The following KCNIP4 variants were observed in gnomAD, a reference collection of about 807,000 sequenced individuals.
The protein encoded by KCNIP4 is potassium voltage-gated channel interacting protein 4.
In KCNIP4, 12 loss-of-function variants were observed where a neutral mutation model predicts 34.0. The ratio of observed to expected loss-of-function variants is 0.35; its 90% CI spans 0.23 to 0.57. The LOEUF is 0.57. KCNIP4 is among the 20% of genes least tolerant of loss of function. The pLI, the probability that KCNIP4 is intolerant of heterozygous loss-of-function variation, is 0.83. For synonymous variants in KCNIP4, 124 were observed against 102.2 expected, an observed-to-expected ratio of 1.21 and a Z score of -1.29; for missense variants, 238 against 311.7, an observed-to-expected ratio of 0.76 and a Z score of 1.78.
intron 1 of KCNIP4, among the ~76,000 whole-genome samples, chr4:21,821,834 G>A (rs1201259685): frequency 1.3e-5 from 2 of 151,994 alleles, no homozygotes; most frequent in Admixed American, 6.6e-5. Flanking sequence ...TATTCATTAA[G>A]CCTCTTATAA....
At chr4:20,934,758 T>G (rs1312567597) in intron 1 of KCNIP4, among the ~76,000 whole-genome samples, 1 of 152,064 alleles carries the variant, frequency 6.6e-6, no homozygotes, top group African/African-American at 2.4e-5. Flanking sequence ...TGTAGAAAAA[T>G]AAAGCAAGGA....
At chr4:21,354,479 A>G (rs1050742221) in intron 1 of KCNIP4, among the ~76,000 whole-genome samples, 1 of 151,302 alleles carries the variant, frequency 6.6e-6, no homozygotes, top group Non-Finnish European at 1.5e-5. Flanking sequence ...AGAAAGCAAA[A>G]AAAGCATGGG....
intron 1 of KCNIP4, among the ~76,000 whole-genome samples, chr4:21,810,979 A>G (rs1164491691): frequency 6.6e-6 from 1 of 152,198 alleles, no homozygotes; most frequent in Non-Finnish European, 1.5e-5. Context: ...AGTTAACATG[A>G]AAATTTTTTT....
chr4:21,528,691 GA>G (rs1321011601), intron 1 of KCNIP4, among the ~76,000 whole-genome samples: 3 of 1,792 alleles, frequency 1.7e-3, no homozygotes, highest in African/African-American at 2.1e-3. Flanking sequence ...AAGAAAGAAA[GA>G]AAGAAAGAAA....
chr4:21,617,333 A>G (rs1306001551), intron 1 of KCNIP4, among the ~76,000 whole-genome samples: 1 of 152,204 alleles, frequency 6.6e-6, no homozygotes, highest in Admixed American at 6.5e-5. Flanking sequence ...GAAGTGGGTC[A>G]TTGTTTCAGA....
At chr4:21,780,357 G>T (rs1167233827) in intron 1 of KCNIP4, among the ~76,000 whole-genome samples, 3 of 151,952 alleles carry the variant, frequency 2.0e-5, no homozygotes, top group Non-Finnish European at 4.4e-5. Flanking sequence ...TAAACAGTTT[G>T]CTTGAAAGTC....
intron 1 of KCNIP4, among the ~76,000 whole-genome samples, chr4:21,285,517 C>A (rs1167896437): frequency 1.3e-5 from 2 of 151,920 alleles, no homozygotes; most frequent in Non-Finnish European, 2.9e-5. Context: ...GAAAACAATG[C>A]CATGAAACTA....
chr4:21,359,965 G>C (rs1241635163), intron 1 of KCNIP4, among the ~76,000 whole-genome samples: 2 of 152,146 alleles, frequency 1.3e-5, no homozygotes, highest in African/African-American at 4.8e-5. Flanking sequence ...ATTTAAATCT[G>C]AGAAGGGGAT....
At chr4:21,223,986 C>T (rs547208469) in intron 1 of KCNIP4, among the ~76,000 whole-genome samples, 1 of 152,218 alleles carries the variant, frequency 6.6e-6, no homozygotes, top group African/African-American at 2.4e-5. Flanking sequence ...GGAATCTTCT[C>T]TAGTCAACCT....
At chr4:21,231,499 G>A (rs146764145) in intron 1 of KCNIP4, among the ~76,000 whole-genome samples, 1 of 152,016 alleles carries the variant, frequency 6.6e-6, no homozygotes, top group East Asian at 1.9e-4. Flanking sequence ...AATATGTACA[G>A]TAAACATTTT....
At chr4:21,300,547 AAAT>A (rs1303653148) in intron 1 of KCNIP4, among the ~76,000 whole-genome samples, 2 of 150,254 alleles carry the variant, frequency 1.3e-5, no homozygotes, top group Non-Finnish European at 3.0e-5. Flanking sequence ...ATGAGTTAAT[AAAT>A]AATAATATGA....
At chr4:21,193,773 A>G (rs907293724) in intron 1 of KCNIP4, among the ~76,000 whole-genome samples, 7 of 151,892 alleles carry the variant, frequency 4.6e-5, no homozygotes, top group South Asian at 2.1e-4. Flanking sequence ...GGGTTTCACC[A>G]TGTTAGCCAG....
chr4:20,769,482 T>A (rs1467317782), intron 3 of KCNIP4, among the ~76,000 whole-genome samples: 1 of 152,100 alleles, frequency 6.6e-6, no homozygotes, highest in Non-Finnish European at 1.5e-5. Flanking sequence ...AAAATTATGA[T>A]GTAGTGAAAT....
chr4:20,974,738 T>G (rs867506717), intron 1 of KCNIP4, among the ~76,000 whole-genome samples: 5 of 152,226 alleles, frequency 3.3e-5, no homozygotes, highest in African/African-American at 9.6e-5. Flanking sequence ...CTAAACTAAT[T>G]TTTTGGTATG....
At chr4:21,218,807 TTTTTATAA>T in intron 1 of KCNIP4, among the ~76,000 whole-genome samples, 1 of 152,286 alleles carries the variant, frequency 6.6e-6, no homozygotes, top group East Asian at 1.9e-4. Flanking sequence ...ATTTTGATTG[TTTTTATAA>T]CTGATTTCCA....
chr4:21,525,964 CTTA>C (rs1382512867), intron 1 of KCNIP4, among the ~76,000 whole-genome samples: 1 of 151,606 alleles, frequency 6.6e-6, no homozygotes, highest in African/African-American at 2.4e-5. Context: ...AGGCAATTTT[CTTA>C]TTACTAAATC....
At chr4:21,289,504 T>C (rs1212793367) in intron 1 of KCNIP4, among the ~76,000 whole-genome samples, 1 of 152,178 alleles carries the variant, frequency 6.6e-6, no homozygotes, top group African/African-American at 2.4e-5. Context: ...AGTGAACTAA[T>C]CTAAGTCCCT....
chr4:21,313,014 TA>T (rs1345827335), intron 1 of KCNIP4, among the ~76,000 whole-genome samples: 1 of 152,208 alleles, frequency 6.6e-6, no homozygotes, highest in Admixed American at 6.5e-5. Flanking sequence ...TGAGATCTAA[TA>T]AAAAGCAAAA....
At chr4:21,853,637 A>C (rs760504305) in intron 1 of KCNIP4, among the ~76,000 whole-genome samples, 52 of 152,312 alleles carry the variant, frequency 3.4e-4, no homozygotes, top group South Asian at 1.7e-3. Context: ...ATACAACAGA[A>C]ACATTCAGAT....
Sources: allele counts gnomAD v4.1 joint callset (sites outside exome capture counted in the v4.1 genomes callset), GRCh38; gene constraint gnomAD v4.1.1; transcripts MANE v1.5; gene names NCBI Gene and HGNC (gene_info 2026-07-23, HGNC 2026-07-21).